Variants in SV2C observed in about 807,000 individuals in gnomAD.
SV2C encodes solute carrier family 22 member B3.
SV2C carries 49 observed loss-of-function variants against 79.7 expected under a neutral mutation model. The observed-to-expected ratio is 0.61, with a 90% CI of 0.49 to 0.78. The LOEUF (loss-of-function observed/expected upper bound fraction) is 0.78, where lower values mean the gene tolerates loss of function less well. SV2C is among the 30% of genes least tolerant of loss of function. SV2C has a pLI of 0.00. For missense variants in SV2C, 833 were observed against 912.9 expected (o/e 0.91, Z 1.13); for synonymous variants, 334 against 333.2 (o/e 1.00, Z -0.03).
intron 1 of SV2C, among the ~76,000 whole-genome samples, chr5:76,124,959 G>A (rs1748652097): frequency 6.6e-6 from 1 of 152,088 alleles, no homozygotes; most frequent in South Asian, 2.1e-4. Flanking sequence ...GGATATTTCT[G>A]GGACCTTCAC....
chr5:75,942,411 G>C, the SV2C span, among the ~76,000 whole-genome samples: 1 of 152,180 alleles, frequency 6.6e-6, no homozygotes, highest in Non-Finnish European at 1.5e-5. Flanking sequence ...GTGGGAAGAC[G>C]TGATGGCTAG....
the SV2C span, among the ~76,000 whole-genome samples, chr5:75,979,307 A>G: frequency 2.9e-4 from 44 of 152,168 alleles, no homozygotes; most frequent in African/African-American, 9.1e-4. Flanking sequence ...CGCACTGTCA[A>G]TATTATACAG....
At chr5:76,191,932 A>G (rs1744116823) in intron 2 of SV2C, among the ~76,000 whole-genome samples, 1 of 152,182 alleles carries the variant, frequency 6.6e-6, no homozygotes. Context: ...CTGGAATTGA[A>G]TGGAAAGTCA....
chr5:75,908,290 C>T, the SV2C span, among the ~76,000 whole-genome samples: 1 of 152,128 alleles, frequency 6.6e-6, no homozygotes, highest in Admixed American at 6.6e-5. Context: ...AATATGTTGC[C>T]TTTTGTGTCA....
chr5:76,223,467 A>G (rs550694624), intron 4 of SV2C, among the ~76,000 whole-genome samples: 2 of 67,666 alleles, frequency 3.0e-5, no homozygotes, highest in South Asian at 4.5e-4. Flanking sequence ...ATATATATAT[A>G]TATATATATA....
chr5:76,073,544 T>TATATAAATAC, the SV2C span, among the ~76,000 whole-genome samples: 44 of 121,076 alleles, frequency 3.6e-4, no homozygotes, highest in African/African-American at 1.4e-3. Flanking sequence ...TATATATATA[T>TATATAAATAC]ACACCATGGA....
In SV2C at chr5:76,284,455, G is replaced by A. The variant is rs566691400; in HGVS notation, c.914-707G>A. The stretch of plus-strand genomic sequence containing the variant: ...ACACCCTCAAAAGGGGCCGTGGAAA[G>A]GTGTTTAGCGAAGGGACTCTTTATG... On this transcript the variant is annotated intron_variant, in intron 4 of 12. Coordinates refer to ENST00000502798, the MANE Select transcript of SV2C (RefSeq NM_014979.4). 2.0e-5 allele frequency among the ~76,000 whole-genome samples: 3 copies of A among 152,222 alleles called. No homozygotes were observed. The South Asian group carries it at 6.2e-4, about 32-fold the overall frequency.
chr5:75,997,618 A>T, the SV2C span, among the ~76,000 whole-genome samples: 1 of 152,242 alleles, frequency 6.6e-6, no homozygotes, highest in Non-Finnish European at 1.5e-5. Flanking sequence ...CATCAGAGAA[A>T]TGCAAATAAA....
rs1410938696 is a variant in SV2C, at chr5:76,328,188, A to T, written c.*2641A>T. The T allele has an allele frequency of 2.0e-5, 3 of 152,006 alleles. No individual in the cohort carries two copies. Among genetic ancestry groups the T allele is most frequent in the African/African-American group, 7.2e-5 (3 of 41,390 alleles). 9.4% of individuals were successfully genotyped at this position (152,006 alleles called of 1,614,324 possible). A position where few individuals can be genotyped will look rare whatever the true frequency, so the allele number is the denominator to read the frequency against. On this transcript the variant is annotated 3_prime_UTR_variant, in exon 13 of 13. Transcript: ENST00000502798. ...GAAACAGCCAGGATATTAAACAGAA[A>T]CTCTCAGTTGTATCAGTGTAGCAGG...
intron 12 of SV2C, among the ~76,000 whole-genome samples, chr5:76,312,635 G>A (rs1748488497): frequency 6.6e-6 from 1 of 152,206 alleles, no homozygotes; most frequent in Non-Finnish European, 1.5e-5. Context: ...CGCTCTCAGG[G>A]CCGTCCTGCA....
At chr5:76,001,229 G>A in the SV2C span, among the ~76,000 whole-genome samples, 1 of 152,176 alleles carries the variant, frequency 6.6e-6, no homozygotes, top group South Asian at 2.1e-4. Flanking sequence ...GGGTCTGGGG[G>A]CTGCAGGGAG....
chr5:76,349,366 A>G (rs1308702523), intron 12 of SV2C, among the ~76,000 whole-genome samples: 1 of 152,134 alleles, frequency 6.6e-6, no homozygotes, highest in Non-Finnish European at 1.5e-5. Context: ...TACAAAAATT[A>G]GCCAGGCATG....
At chr5:76,272,264 C>T (rs1038693877) in intron 4 of SV2C, among the ~76,000 whole-genome samples, 5 of 152,050 alleles carry the variant, frequency 3.3e-5, no homozygotes, top group Admixed American at 6.5e-5. Context: ...CCCTTGCCCC[C>T]GGGAGAAAAA....
At chr5:75,869,055 G>C in the SV2C span, among the ~76,000 whole-genome samples, 1 of 152,158 alleles carries the variant, frequency 6.6e-6, no homozygotes, top group Admixed American at 6.5e-5. Context: ...GTAAATAAAG[G>C]GGACTTTGTC....
At chr5:76,065,653 A>C in the SV2C span, among the ~76,000 whole-genome samples, 4 of 152,188 alleles carry the variant, frequency 2.6e-5, no homozygotes, top group African/African-American at 9.6e-5. Flanking sequence ...ATCACACTAC[A>C]CATCAATTTT....
the SV2C span, among the ~76,000 whole-genome samples, chr5:75,872,026 G>A: frequency 6.9e-6 from 1 of 145,978 alleles, no homozygotes; most frequent in African/African-American, 2.5e-5. Context: ...TAATATATTA[G>A]CAATATATAA....
the SV2C span, among the ~76,000 whole-genome samples, chr5:75,929,965 AC>A: frequency 1.3e-5 from 2 of 152,220 alleles, no homozygotes; most frequent in Admixed American, 6.5e-5. Flanking sequence ...TGTTGTACCT[AC>A]AAAAATAAAT....
the SV2C span, among the ~76,000 whole-genome samples, chr5:76,037,876 G>T: frequency 1.3e-5 from 2 of 152,346 alleles, no homozygotes; most frequent in East Asian, 3.9e-4. Context: ...TCTGACTGCT[G>T]TGCTAGCAAT....
the SV2C span, among the ~76,000 whole-genome samples, chr5:76,019,920 G>T: frequency 6.6e-6 from 1 of 152,140 alleles, no homozygotes; most frequent in African/African-American, 2.4e-5. Context: ...TGCTCTAAGT[G>T]TTGAGTGATA....
Sources: gnomAD v4.1 joint callset for allele counts (sites outside exome capture counted in the v4.1 genomes callset) on GRCh38, gnomAD v4.1.1 for gene constraint, MANE v1.5 for transcripts, NCBI Gene and HGNC (gene_info 2026-07-23, HGNC 2026-07-21) for gene names.